Variants in RAPGEF4 observed in about 807,000 individuals in gnomAD.
The protein encoded by RAPGEF4 is Rap guanine nucleotide exchange factor 4.
In RAPGEF4, 66 loss-of-function variants were observed where a neutral mutation model predicts 147.9. The observed-to-expected ratio is 0.45, with a 90% confidence interval of 0.37 to 0.55. The LOEUF (loss-of-function observed/expected upper bound fraction) is 0.55. Ranked by LOEUF, RAPGEF4 falls within the 20% of genes least tolerant of loss-of-function variation. RAPGEF4 has a pLI of 0.00. For missense variants in RAPGEF4, 1,071 were observed against 1,257.3 expected (o/e 0.85, Z 2.24); for synonymous variants, 419 against 442.7 (o/e 0.95, Z 0.67).
intron 1 of RAPGEF4, among the ~76,000 whole-genome samples, chr2:172,786,970 G>C (rs1423480316): frequency 6.6e-6 from 1 of 152,108 alleles, no homozygotes; most frequent in Non-Finnish European, 1.5e-5. Context: ...AGCACTTTGG[G>C]AGGCCAAGGC....
In RAPGEF4 at chr2:173,042,278, C is replaced by T. The variant is rs1015751327; in HGVS notation, c.2853+5586C>T. Among the ~76,000 whole-genome samples, 2 of 152,180 alleles carry T rather than the reference C, an allele frequency of 1.3e-5. No individual in the cohort carries two copies. The highest frequency in any genetic ancestry group is 4.8e-5 in the African/African-American group (2 of 41,434). On this transcript the variant is annotated intron_variant, in intron 29 of 30. Coordinates refer to ENST00000397081, the MANE Select transcript of RAPGEF4 (RefSeq NM_007023.4). The surrounding 1 kb of genome is among the most constrained non-coding windows in gnomAD (Gnocchi z 4.2). ...ATGTTTCAGTGTTGGGCTTAGTGCA[C>T]GAAAGCATTTTTCAAATATTTTATG...
rs149067007 is a variant in RAPGEF4 at position 173,007,376 on chromosome 2, C to T, written c.1658+6032C>T. On this transcript the variant is annotated intron_variant, in intron 17 of 30. Coordinates refer to ENST00000397081, the MANE Select transcript of RAPGEF4 (RefSeq NM_007023.4). The stretch of plus-strand genomic sequence containing the variant: ...ATGGTACAGAAGGCGCTCCTATGAG[C>T]TCAAAGTTAGTAGGTACACACAAAC... Among the ~76,000 whole-genome samples the T allele has an allele frequency of 4.6e-5, 7 of 152,276 alleles. No individual in the cohort carries two copies. The East Asian group carries it at 1.3e-3, about 29-fold the overall frequency.
intron 1 of RAPGEF4, among the ~76,000 whole-genome samples, chr2:172,794,701 T>C (rs974303592): frequency 5.9e-5 from 9 of 152,250 alleles, no homozygotes; most frequent in African/African-American, 2.2e-4. Context: ...ACTTCATTTT[T>C]TAGTAGAATC....
At chr2:172,936,857 A>G (rs1180690337) in intron 6 of RAPGEF4, among the ~76,000 whole-genome samples, 1 of 151,732 alleles carries the variant, frequency 6.6e-6, no homozygotes, top group Non-Finnish European at 1.5e-5. Flanking sequence ...TTTATATATA[A>G]GAGTATTTTC....
intron 1 of RAPGEF4, among the ~76,000 whole-genome samples, chr2:172,757,086 G>A (rs577031252): frequency 1.8e-4 from 27 of 152,238 alleles, no homozygotes; most frequent in Non-Finnish European, 3.1e-4. Context: ...ATTGGAATGT[G>A]CTCTGTTTTG....
chr2:172,851,894 A>G (rs766950388), intron 4 of RAPGEF4, among the ~76,000 whole-genome samples: 38 of 152,204 alleles, frequency 2.5e-4, no homozygotes, highest in African/African-American at 7.0e-4. Flanking sequence ...ATATACATCA[A>G]ACTCCCGAGA....
intron 17 of RAPGEF4, among the ~76,000 whole-genome samples, chr2:173,003,132 C>CTT (rs369905026): frequency 5.4e-5 from 8 of 148,058 alleles, no homozygotes; most frequent in Non-Finnish European, 6.0e-5. Flanking sequence ...CTGCGCTTGT[C>CTT]TTTTTTTTTT....
intron 1 of RAPGEF4, among the ~76,000 whole-genome samples, chr2:172,752,143 G>A (rs1695361159): frequency 1.5e-4 from 2 of 13,774 alleles, no homozygotes. Flanking sequence ...ATTACAGCAT[G>A]GTGGTGTCCT....
chr2:172,804,605 T>C (rs1301176361), intron 3 of RAPGEF4, among the ~76,000 whole-genome samples: 1 of 152,186 alleles, frequency 6.6e-6, no homozygotes, highest in Non-Finnish European at 1.5e-5. Context: ...ATTCTGCCTC[T>C]GCTCTCCTGT....
intron 6 of RAPGEF4, among the ~76,000 whole-genome samples, chr2:172,927,810 G>C (rs949062340): frequency 6.6e-6 from 1 of 152,200 alleles, no homozygotes; most frequent in African/African-American, 2.4e-5. Context: ...ACCTTGGCCA[G>C]TGTCACCGAT....
intron 4 of RAPGEF4, among the ~76,000 whole-genome samples, chr2:172,816,212 C>T (rs1688487526): frequency 6.6e-6 from 1 of 151,988 alleles, no homozygotes; most frequent in South Asian, 2.1e-4. Flanking sequence ...AACCAGGCTC[C>T]AATAACGAGC....
intron 10 of RAPGEF4, among the ~76,000 whole-genome samples, chr2:172,972,617 G>A (rs1330058541): frequency 6.6e-6 from 1 of 152,128 alleles, no homozygotes; most frequent in Middle Eastern, 3.2e-3. Flanking sequence ...GCATTAAGTA[G>A]GTCATTTCTC....
At chr2:172,922,810 G>A (rs1034773650) in intron 6 of RAPGEF4, among the ~76,000 whole-genome samples, 1 of 152,166 alleles carries the variant, frequency 6.6e-6, no homozygotes, top group Non-Finnish European at 1.5e-5. Context: ...AGAAGGTTTA[G>A]GACAAAGATT....
At chr2:172,888,012 G>GT (rs1222768769) in intron 4 of RAPGEF4, among the ~76,000 whole-genome samples, 1 of 152,072 alleles carries the variant, frequency 6.6e-6, no homozygotes, top group East Asian at 1.9e-4. Flanking sequence ...TCCTACTAGA[G>GT]TATGAGCTGT....
At chr2:172,804,913 A>C (rs990699291) in intron 3 of RAPGEF4, among the ~76,000 whole-genome samples, 1 of 152,180 alleles carries the variant, frequency 6.6e-6, no homozygotes, top group Admixed American at 6.5e-5. Context: ...GCAGGACTGG[A>C]ATGGCTCACC....
At position 172,802,814 on chromosome 2, in the gene RAPGEF4, T is replaced by C. The variant is rs550889331; in HGVS notation, c.297+5201T>C. ...CCTAGATACAATGGGGGTACAGGCA[T>C]TGGTTAAATACAGCCATTCCAAATG... is the stretch of plus-strand genomic sequence containing the variant. On this transcript the variant is annotated intron_variant, in intron 3 of 30. Transcript: ENST00000397081. 3.9e-5 allele frequency among the ~76,000 whole-genome samples: 6 copies of C among 152,296 alleles called. No homozygotes were observed. In the East Asian group the frequency reaches 1.2e-3, roughly 29 times the overall value.
chr2:172,867,647 A>G (rs1156291605), intron 4 of RAPGEF4, among the ~76,000 whole-genome samples: 5 of 152,210 alleles, frequency 3.3e-5, no homozygotes, highest in Non-Finnish European at 7.3e-5. Context: ...TCATGAGTAA[A>G]TGGATTTATG....
chr2:172,743,437 C>G (rs1327537309), intron 1 of RAPGEF4, among the ~76,000 whole-genome samples: 1 of 152,208 alleles, frequency 6.6e-6, no homozygotes, highest in East Asian at 1.9e-4. Context: ...CCAGCTCTTT[C>G]TTGGCGCAAC....
chr2:172,829,442 G>A (rs1259641330), intron 4 of RAPGEF4, among the ~76,000 whole-genome samples: 8 of 152,146 alleles, frequency 5.3e-5, no homozygotes, highest in Non-Finnish European at 7.3e-5. Flanking sequence ...AGGCATCCCC[G>A]GTATGAACTG....
Sources: allele counts gnomAD v4.1 joint callset (sites outside exome capture counted in the v4.1 genomes callset), GRCh38; gene constraint gnomAD v4.1.1; non-coding constraint Gnocchi (gnomAD v3.1); transcripts MANE v1.5; gene names NCBI Gene and HGNC (gene_info 2026-07-23, HGNC 2026-07-21).